Variants in ADAM10 observed in about 807,000 individuals in gnomAD.
The protein encoded by ADAM10 is ADAM metallopeptidase domain 10.
A neutral mutation model predicts 90.1 loss-of-function variants in ADAM10; 17 were observed. That is an observed-to-expected ratio of 0.19 (90% CI 0.13 to 0.28). ADAM10 has a LOEUF of 0.28. Among genes scored for constraint, ADAM10 ranks in the 10% least tolerant of loss-of-function variants. ADAM10 has a pLI of 1.00. For synonymous variants in ADAM10, 310 were observed against 298.6 expected, an observed-to-expected ratio of 1.04 and a Z score of -0.40; for missense variants, 610 against 914.3, an observed-to-expected ratio of 0.67 and a Z score of 4.29.
At chr15:58,622,903 C>CT (rs1895828623) in intron 10 of ADAM10, among the ~76,000 whole-genome samples, 1 of 152,212 alleles carries the variant, frequency 6.6e-6, no homozygotes, top group Non-Finnish European at 1.5e-5. Flanking sequence ...GAGTCTGTAA[C>CT]TTGCTAGGGA....
chr15:58,638,977 G>C (rs1896344771), intron 8 of ADAM10, among the ~76,000 whole-genome samples: 1 of 152,116 alleles, frequency 6.6e-6, no homozygotes, highest in Admixed American at 6.5e-5. Flanking sequence ...TGAATCTAAA[G>C]ACATGAGAAT....
At chr15:58,651,363 T>C (rs1242000138) in intron 5 of ADAM10, among the ~76,000 whole-genome samples, 17 of 152,182 alleles carry the variant, frequency 1.1e-4, no homozygotes, top group African/African-American at 2.9e-4. Flanking sequence ...CTTTCTAACA[T>C]GTTTTTGTGC....
At chr15:58,719,153 A>G (rs1156425098) in intron 1 of ADAM10, among the ~76,000 whole-genome samples, 2 of 152,020 alleles carry the variant, frequency 1.3e-5, no homozygotes, top group Non-Finnish European at 2.9e-5. Context: ...GTGAAACCCT[A>G]TCTCTACTAA....
chr15:58,626,731 C>T (rs1334122589), intron 10 of ADAM10, among the ~76,000 whole-genome samples: 1 of 152,086 alleles, frequency 6.6e-6, no homozygotes, highest in African/African-American at 2.4e-5. Context: ...TGTATGTCCC[C>T]ACTTACATGA....
At chr15:58,691,388 C>G in intron 2 of ADAM10, 1 of 822,872 alleles carries the variant, frequency 1.2e-6, no homozygotes. Context: ...CCTTCTTCCA[C>G]TCTTGCTCCA....
At chr15:58,633,611 A>T (rs1368226598) in intron 8 of ADAM10, among the ~76,000 whole-genome samples, 1 of 152,200 alleles carries the variant, frequency 6.6e-6, no homozygotes, top group African/African-American at 2.4e-5. Flanking sequence ...CTTCACAATC[A>T]AAATGTCCCC....
Position 58,597,498 on chromosome 15 carries a change from G to C in ADAM10, c.*49C>G, listed in dbSNP as rs1415901047. ...GACTTAATAGGTTTCTCTTTGGAGT[G>C]AAGTTTTCCCATTGTAGGCACTAGG... On this transcript the variant is annotated 3_prime_UTR_variant, in exon 16 of 16. Coordinates refer to ENST00000260408, the MANE Select transcript of ADAM10 (RefSeq NM_001110.4). 2.5e-6 allele frequency: 4 copies of C among 1,613,794 alleles called. No homozygotes were observed.
chr15:58,705,336 T>C (rs1410697996), intron 2 of ADAM10, among the ~76,000 whole-genome samples: 1 of 152,216 alleles, frequency 6.6e-6, no homozygotes, highest in African/African-American at 2.4e-5. Flanking sequence ...AATCAGTAAG[T>C]ATTATGTTTC....
intron 1 of ADAM10, among the ~76,000 whole-genome samples, chr15:58,720,646 C>T (rs1230386553): frequency 2.0e-5 from 3 of 151,940 alleles, no homozygotes; most frequent in African/African-American, 7.3e-5. Context: ...CGTGATCCGC[C>T]CACCTCAGCC....
chr15:58,607,088 A>C (rs2140994374), intron 14 of ADAM10, among the ~76,000 whole-genome samples: 1 of 152,360 alleles, frequency 6.6e-6, no homozygotes, highest in East Asian at 1.9e-4. Flanking sequence ...AAAATGTAAA[A>C]ACCGTTCTTA....
intron 2 of ADAM10, among the ~76,000 whole-genome samples, chr15:58,704,944 A>G (rs1898237393): frequency 6.6e-6 from 1 of 152,204 alleles, no homozygotes; most frequent in Admixed American, 6.5e-5. Context: ...TCAAGCTAAC[A>G]CATGCGGAGT....
At chr15:58,694,060 G>C (rs1897904696) in intron 2 of ADAM10, among the ~76,000 whole-genome samples, 2 of 152,092 alleles carry the variant, frequency 1.3e-5, no homozygotes, top group African/African-American at 4.8e-5. Context: ...ATATTAGTAG[G>C]GTGTTGAGTA....
Position 58,590,275 on chromosome 15 carries a change from T to C in ADAM10, c.*7272A>G, listed in dbSNP as rs548733045. ...AGCTCTTGGATCACCAAAAACCTCC[T>C]CCTCAGCATGTATCACAGCTGGAAT... On this transcript the variant is annotated 3_prime_UTR_variant, in exon 16 of 16. Coordinates refer to ENST00000260408, the MANE Select transcript of ADAM10 (RefSeq NM_001110.4). 2.0e-5 allele frequency: 3 copies of C among 152,266 alleles called. No individual in the cohort carries two copies. The South Asian group carries it at 6.2e-4, about 32-fold the overall frequency. 9.4% of individuals were successfully genotyped at this position (152,266 alleles called of 1,614,324 possible).
intron 1 of ADAM10, among the ~76,000 whole-genome samples, chr15:58,730,592 C>T (rs1453006105): frequency 6.6e-6 from 1 of 152,056 alleles, no homozygotes; most frequent in African/African-American, 2.4e-5. Context: ...TTTTCCTCTA[C>T]AAGAGGAATA....
Position 58,591,026 on chromosome 15 carries a change from T to G in ADAM10, c.*6521A>C, listed in dbSNP as rs1566959727. The G allele has an allele frequency of 6.6e-6, 1 of 152,250 alleles. No individual in the cohort carries two copies. Among genetic ancestry groups the G allele is most frequent in the Non-Finnish European group, 1.5e-5 (1 of 68,046 alleles). 9.4% of individuals were successfully genotyped at this position (152,250 alleles called of 1,614,324 possible). A position where few individuals can be genotyped will look rare whatever the true frequency, so the allele number is the denominator to read the frequency against. On this transcript the variant is annotated 3_prime_UTR_variant, in exon 16 of 16. Transcript: ENST00000260408. Reference sequence around the variant, plus strand: ...ATCTAGTTTATTGTAGTGAGCTACTTAACATTTACTCCAACGTGGGACACA... The same window carrying G: ...ATCTAGTTTATTGTAGTGAGCTACTGAACATTTACTCCAACGTGGGACACA...
chr15:58,683,441 T>TA (rs1596064016), intron 2 of ADAM10, among the ~76,000 whole-genome samples: 1 of 152,178 alleles, frequency 6.6e-6, no homozygotes, highest in Admixed American at 6.5e-5. Flanking sequence ...AAAACTGGTT[T>TA]AAAAAATCCA....
chr15:58,709,563 AC>A lies in ADAM10; in HGVS notation c.206+8013del, dbSNP rs1303822193. Among the ~76,000 whole-genome samples, 8 of 151,796 alleles carry A rather than the reference AC, an allele frequency of 5.3e-5. No individual in the cohort carries two copies. The East Asian group carries it at 1.6e-3, about 30-fold the overall frequency. On this transcript the variant is annotated intron_variant, in intron 2 of 15. Coordinates refer to ENST00000260408, the MANE Select transcript of ADAM10 (RefSeq NM_001110.4). ...AGACCAGCCTGGCCAACATAGTGAA[AC>A]CCCCATCTCTACTAAAAATACAAAA...
intron 8 of ADAM10, among the ~76,000 whole-genome samples, chr15:58,639,723 A>G (rs891594515): frequency 4.6e-5 from 7 of 152,192 alleles, no homozygotes; most frequent in Non-Finnish European, 7.3e-5. Flanking sequence ...GAAGCTATGG[A>G]AATTGTAAAA....
intron 1 of ADAM10, among the ~76,000 whole-genome samples, chr15:58,719,868 T>A (rs1183670934): frequency 6.6e-6 from 1 of 152,216 alleles, no homozygotes; most frequent in Non-Finnish European, 1.5e-5. Context: ...ACAGATTAAA[T>A]GATTTAAACC....
Sources: gnomAD v4.1 joint callset for allele counts (sites outside exome capture counted in the v4.1 genomes callset) on GRCh38, gnomAD v4.1.1 for gene constraint, MANE v1.5 for transcripts, NCBI Gene and HGNC (gene_info 2026-07-23, HGNC 2026-07-21) for gene names.